Variants in ZC3H12B observed in about 807,000 individuals in gnomAD.
The protein encoded by ZC3H12B is zinc finger CCCH-type containing 12B, also known as probable ribonuclease ZC3H12B.
A neutral mutation model predicts 43.9 loss-of-function variants in ZC3H12B; 7 were observed. The observed-to-expected ratio is 0.16, with a 90% CI of 0.09 to 0.30. ZC3H12B has a LOEUF of 0.30. Among genes scored for constraint, ZC3H12B ranks in the 10% least tolerant of loss-of-function variants. ZC3H12B has a pLI of 1.00. For synonymous variants in ZC3H12B, 222 were observed against 241.7 expected (o/e 0.92, Z 0.76); for missense variants, 475 against 670.2 (o/e 0.71, Z 3.22).
the ZC3H12B span, among the ~76,000 whole-genome samples, chrX:65,122,490 A>G: frequency 9.0e-6 from 1 of 111,301 alleles, no homozygotes; most frequent in Non-Finnish European, 1.9e-5. Context: ...CAAGCAAAAT[A>G]ACCAGCTAAC....
At chrX:65,200,625 G>T in the ZC3H12B span, among the ~76,000 whole-genome samples, 1 of 107,805 alleles carries the variant, frequency 9.3e-6, no homozygotes, top group Admixed American at 1.0e-4. Flanking sequence ...TAGTAGAGAT[G>T]AGGATTCACC....
At position 65,425,576 on chromosome X, in the gene ZC3H12B, C is replaced by T. The variant is rs777136157; in HGVS notation, n.407+26872C>T. 1.5e-3 allele frequency among the ~76,000 whole-genome samples: 161 copies of T among 111,024 alleles called. 1 individual carries two copies. Among genetic ancestry groups the T allele is most frequent in the African/African-American group, 4.8e-3 (148 of 30,571 alleles). On this transcript the variant is annotated intron_variant and non_coding_transcript_variant, in intron 3 of 5. Transcript: ENST00000617377. ...GAATGCTTCCAGCTTTTGCCCATTC[C>T]GTATGATATTGGCTGTGGGTTTGTC...
At chrX:65,174,179 C>T in the ZC3H12B span, among the ~76,000 whole-genome samples, 5 of 111,601 alleles carry the variant, frequency 4.5e-5, no homozygotes, top group Non-Finnish European at 9.4e-5. Context: ...TGTCTGTTGA[C>T]CCCTGCTGGG....
At chrX:65,381,310 C>T (rs1406426176) in intron 2 of ZC3H12B, among the ~76,000 whole-genome samples, 1 of 111,320 alleles carries the variant, frequency 9.0e-6, no homozygotes, top group African/African-American at 3.3e-5. Context: ...CACTCAAAAC[C>T]GCTCAACTAC....
At chrX:65,494,624 T>C (rs2068251381) in intron 1 of ZC3H12B, among the ~76,000 whole-genome samples, 1 of 108,837 alleles carries the variant, frequency 9.2e-6, no homozygotes, top group Non-Finnish European at 1.9e-5. Context: ...CTACTAAAAA[T>C]ACAAAAATTA....
chrX:65,120,679 C>T, the ZC3H12B span, among the ~76,000 whole-genome samples: 1 of 111,229 alleles, frequency 9.0e-6, no homozygotes, highest in Non-Finnish European at 1.9e-5. Flanking sequence ...GAACTTCCAA[C>T]ACTATGTTGA....
At chrX:65,335,422 T>TAACCTCTC in the ZC3H12B span, among the ~76,000 whole-genome samples, 1 of 112,146 alleles carries the variant, frequency 8.9e-6, no homozygotes, top group Non-Finnish European at 1.9e-5. Flanking sequence ...TTACCAAAGT[T>TAACCTCTC]AACCTCTCAA....
At chrX:65,100,478 C>A in the ZC3H12B span, among the ~76,000 whole-genome samples, 2 of 96,567 alleles carry the variant, frequency 2.1e-5, no homozygotes, top group African/African-American at 7.6e-5. Flanking sequence ...CATCAGTGTG[C>A]TGTATTCAGG....
chrX:65,058,059 G>C, the ZC3H12B span, among the ~76,000 whole-genome samples: 1 of 111,675 alleles, frequency 9.0e-6, no homozygotes, highest in Non-Finnish European at 1.9e-5. Flanking sequence ...AAGTTTGATC[G>C]TCTAAAGCTT....
At chrX:65,353,432 C>T in the ZC3H12B span, among the ~76,000 whole-genome samples, 2 of 111,718 alleles carry the variant, frequency 1.8e-5, no homozygotes, top group African/African-American at 3.3e-5. Flanking sequence ...ACGTCTCTAA[C>T]CTTAGAACAA....
At chrX:65,361,043 T>C in the ZC3H12B span, among the ~76,000 whole-genome samples, 136 of 112,548 alleles carry the variant, frequency 1.2e-3, no homozygotes, top group African/African-American at 4.2e-3. Flanking sequence ...TATAATTTTA[T>C]GACATTTTAT....
the ZC3H12B span, among the ~76,000 whole-genome samples, chrX:65,159,526 C>A: frequency 7.5e-5 from 8 of 107,249 alleles, no homozygotes; most frequent in Non-Finnish European, 1.2e-4. Context: ...CTCTTTGAAG[C>A]AATTGTGAAT....
chrX:65,082,012 TC>T, the ZC3H12B span, among the ~76,000 whole-genome samples: 1 of 111,848 alleles, frequency 8.9e-6, no homozygotes, highest in Non-Finnish European at 1.9e-5. Context: ...AACAGTGTGC[TC>T]CTGAATGACC....
the ZC3H12B span, among the ~76,000 whole-genome samples, chrX:65,220,627 G>C: frequency 6.1e-4 from 68 of 111,903 alleles, no homozygotes; most frequent in African/African-American, 2.2e-3. Context: ...ATTGATAAAA[G>C]GACTAGTTCA....
At chrX:65,385,526 A>T (rs918295167) in intron 2 of ZC3H12B, among the ~76,000 whole-genome samples, 2 of 112,302 alleles carry the variant, frequency 1.8e-5, no homozygotes, top group African/African-American at 3.2e-5. Flanking sequence ...CTGAAGTTGC[A>T]TATCAGCTTA....
chrX:65,387,320 G>C (rs999325452), intron 2 of ZC3H12B, among the ~76,000 whole-genome samples: 2 of 111,727 alleles, frequency 1.8e-5, no homozygotes, highest in African/African-American at 6.5e-5. Flanking sequence ...ATGAATCTGG[G>C]TGCTCCTGTG....
chrX:65,219,102 C>T, the ZC3H12B span, among the ~76,000 whole-genome samples: 4 of 111,731 alleles, frequency 3.6e-5, no homozygotes, highest in East Asian at 2.8e-4. Context: ...TCTCAAGAAG[C>T]TCCATCTCTA....
chrX:65,151,248 T>A, the ZC3H12B span, among the ~76,000 whole-genome samples: 4 of 111,511 alleles, frequency 3.6e-5, no homozygotes, highest in African/African-American at 6.5e-5. Flanking sequence ...CAAGAAAAAA[T>A]TTTTCCATTC....
At chrX:65,087,558 G>A in the ZC3H12B span, among the ~76,000 whole-genome samples, 10 of 111,564 alleles carry the variant, frequency 9.0e-5, no homozygotes, top group South Asian at 3.8e-4. Flanking sequence ...CAAGGTGAAC[G>A]GACTAGATGC....
Sources: allele counts gnomAD v4.1 joint callset (sites outside exome capture counted in the v4.1 genomes callset), GRCh38; gene constraint gnomAD v4.1.1; transcripts MANE v1.5; gene names NCBI Gene and HGNC (gene_info 2026-07-23, HGNC 2026-07-21).